CD4: variants seen among roughly 807,000 people sequenced by gnomAD.
CD4 encodes the protein T-cell surface glycoprotein CD4.
In CD4, 25 loss-of-function variants were observed where a neutral mutation model predicts 50.5. The ratio of observed to expected loss-of-function variants is 0.49; its 90% CI spans 0.36 to 0.69. The LOEUF (loss-of-function observed/expected upper bound fraction) is 0.69. Ranked by LOEUF, CD4 falls within the 30% of genes least tolerant of loss-of-function variation. The pLI is 0.00. For missense variants in CD4, 456 were observed against 548.5 expected (o/e 0.83, Z 1.68); for synonymous variants, 207 against 221.9 (o/e 0.93, Z 0.60).
In CD4 at chr12:6,818,480, G is replaced by T. The variant is rs373415505; in HGVS notation, c.1216G>T (p.Ala406Ser). 6.2e-7 allele frequency: 1 copy of T among 1,612,878 alleles called. No individual in the cohort carries two copies. Among genetic ancestry groups the T allele is most frequent in the Admixed American group, 1.7e-5 (1 of 60,034 alleles). The change falls in exon 8 of 10, where the codon GCC (alanine) becomes TCC (serine). Residue 406 changes from alanine (A) to serine (S), a missense_variant. Physicochemically the swap from Ala to Ser is moderately conservative, Grantham distance 99. Coordinates refer to ENST00000011653, the MANE Select transcript of CD4 (RefSeq NM_000616.5). This position sits in a 1 kb window ranked among gnomAD's most constrained non-coding sequence, Gnocchi z 5.0. Reference protein sequence around the residue: ...PMALIVLGGVAGLLLFIGLGI... With the variant: ...PMALIVLGGVSGLLLFIGLGI... Reference sequence around the variant, plus strand: ...GGCCCTGATTGTGCTGGGGGGCGTCGCCGGCCTCCTGCTTTTCATTGGGCT... The same window carrying T: ...GGCCCTGATTGTGCTGGGGGGCGTCTCCGGCCTCCTGCTTTTCATTGGGCT...
Position 6,819,348 on chromosome 12 carries a change from T to C in CD4, c.*19T>C. ...CATTTGAGGCACGAGGCCAGGCAGA[T>C]CCCACTTGCAGCCTCCCCAGGTGTC... On this transcript the variant is annotated 3_prime_UTR_variant, in exon 10 of 10. Transcript: ENST00000011653. The C allele has an allele frequency of 1.2e-6, 2 of 1,613,594 alleles. No individual in the cohort carries two copies. Among genetic ancestry groups the C allele is most frequent in the Non-Finnish European group, 1.7e-6 (2 of 1,179,536 alleles).
intron 1 of CD4, among the ~76,000 whole-genome samples, chr12:6,796,568 C>T (rs1942382045): frequency 6.6e-6 from 1 of 152,176 alleles, no homozygotes; most frequent in Non-Finnish European, 1.5e-5. Context: ...ATCACTGCTC[C>T]AGTCCCATGT....
intron 3 of CD4, among the ~76,000 whole-genome samples, chr12:6,802,093 T>G (rs1192673668): frequency 6.6e-6 from 1 of 151,792 alleles, no homozygotes; most frequent in Admixed American, 6.6e-5. Context: ...AGGCTGGTCT[T>G]GAACTCCTGA....
At position 6,819,473 on chromosome 12, in the gene CD4, G is replaced by A. The variant is rs200665617; in HGVS notation, c.*144G>A. 6.5e-6 allele frequency: 5 copies of A among 764,028 alleles called. No homozygotes were observed. The African/African-American group carries it at 8.6e-5, about 13-fold the overall frequency. 47.3% of individuals were successfully genotyped at this position (764,028 alleles called of 1,614,324 possible). A position where few individuals can be genotyped will look rare whatever the true frequency, so the allele number is the denominator to read the frequency against. ...TACAATTTGCCATTGTTTCTCCTGG[G>A]TTAGGCCCCGGCTTCACTGGTTGAG... On this transcript the variant is annotated 3_prime_UTR_variant, in exon 10 of 10. Coordinates refer to ENST00000011653, the MANE Select transcript of CD4 (RefSeq NM_000616.5).
chr12:6,802,389 C>T (rs943115962), intron 3 of CD4, among the ~76,000 whole-genome samples: 2 of 151,656 alleles, frequency 1.3e-5, no homozygotes, highest in African/African-American at 4.8e-5. Flanking sequence ...GTGGCATGAC[C>T]ACAACACATC....
At chr12:6,791,399 C>G (rs61916272) in intron 1 of CD4, among the ~76,000 whole-genome samples, 58,328 of 151,956 alleles carry the variant, frequency 0.38, 11,715 homozygotes, top group Non-Finnish European at 0.45. Flanking sequence ...CCCAACACCA[C>G]GCCCGGCTAC....
At chr12:6,790,198 CA>C (rs1942115134) in intron 1 of CD4, among the ~76,000 whole-genome samples, 1 of 15,376 alleles carries the variant, frequency 6.5e-5, no homozygotes, top group African/African-American at 3.1e-4. Context: ...AAAATTCTTG[CA>C]AAACCAATTT....
intron 1 of CD4, among the ~76,000 whole-genome samples, chr12:6,791,618 C>T (rs1942163850): frequency 6.6e-6 from 1 of 152,196 alleles, no homozygotes; most frequent in Non-Finnish European, 1.5e-5. Flanking sequence ...TGGTGGCCCA[C>T]ACCAGTAATC....
chr12:6,799,770 C>T (rs2857226), intron 1 of CD4: 121,973 of 199,758 alleles, frequency 0.61, 37,980 homozygotes, highest in Non-Finnish European at 0.64. Flanking sequence ...CATGAGCCAC[C>T]GCACCCAGCC....
At chr12:6,812,765 TTATTTTTGTG>T (rs1807898526) in intron 3 of CD4, among the ~76,000 whole-genome samples, 1 of 88,304 alleles carries the variant, frequency 1.1e-5, no homozygotes, top group African/African-American at 4.5e-5. Flanking sequence ...GCAACCAAGG[TTATTTTTGTG>T]TGTGTGTGTG....
intron 4 of CD4, 115 bp from the exon 5 acceptor site, chr12:6,814,643 TG>T (rs1467148746): frequency 3.5e-6 from 3 of 853,380 alleles, no homozygotes; most frequent in Non-Finnish European, 6.1e-6. Flanking sequence ...AGCTGGGTGC[TG>T]GGAGGAAGGA....
intron 4 of CD4, 105 bp downstream of exon 4, chr12:6,814,405 C>T: frequency 8.3e-7 from 1 of 1,199,662 alleles, no homozygotes; most frequent in Non-Finnish European, 1.2e-6. Flanking sequence ...CCGCAGCAGC[C>T]CCAAGAGGAC....
At position 6,814,806 on chromosome 12, in the gene CD4, C is replaced by G; in HGVS notation, c.421C>G (p.Leu141Val). Reference sequence around the variant, plus strand: ...CCTGCTTCAGGGGCAGAGCCTGACCCTGACCTTGGAGAGCCCCCCTGGTAG... The same window carrying G: ...CCTGCTTCAGGGGCAGAGCCTGACCGTGACCTTGGAGAGCCCCCCTGGTAG... ...THLLQGQSLT[L>V]TLESPPGSSP... is the part of the protein sequence containing the mutation. The change falls in exon 5 of 10, where the codon CTG becomes GTG. Residue 141 changes from leucine (L) to valine (V), a missense_variant. Leu to Val is a conservative substitution (Grantham distance 32). Coordinates refer to ENST00000011653, the MANE Select transcript of CD4 (RefSeq NM_000616.5). The G allele has an allele frequency of 6.2e-7, 1 of 1,613,752 alleles. No homozygotes were observed. Among genetic ancestry groups the G allele is most frequent in the Non-Finnish European group, 8.5e-7 (1 of 1,179,804 alleles).
At position 6,816,036 on chromosome 12, in the gene CD4, C is replaced by A. The variant is rs200954626; in HGVS notation, c.608-20C>A. On this transcript the variant is annotated intron_variant, in intron 5 of 9. Coordinates refer to ENST00000011653, the MANE Select transcript of CD4 (RefSeq NM_000616.5). This position sits in a 1 kb window ranked among gnomAD's most constrained non-coding sequence, Gnocchi z 4.9. ...ATCTTCCTATCTCCTCACCCAGGGTCTCTCCCTTCCCACCTCCAGCTTTCC... is the reference window on the plus strand; with the variant it reads ...ATCTTCCTATCTCCTCACCCAGGGTATCTCCCTTCCCACCTCCAGCTTTCC... 75 of 1,613,870 alleles carry A rather than the reference C, an allele frequency of 4.6e-5. No individual in the cohort carries two copies. The African/African-American group carries it at 9.1e-4, about 20-fold the overall frequency.
intron 4 of CD4, 90 bp from the exon 5 acceptor site, chr12:6,814,669 G>A (rs1482712333): frequency 1.2e-5 from 12 of 984,838 alleles, no homozygotes; most frequent in East Asian, 2.4e-5. Context: ...TTGGGACGGC[G>A]ATAATGGAGA....
Position 6,814,984 on chromosome 12 carries a change from T to C in CD4, c.599T>C (p.Val200Ala). The change falls in exon 5 of 10, where the codon GTG becomes GCG. Residue 200 changes from valine to alanine, a missense_variant. Val to Ala is a moderately conservative substitution (Grantham distance 64). Transcript: ENST00000011653. Reference sequence around the variant, plus strand: ...AAGGTGGAGTTCAAAATAGACATCGTGGTGCTAGGTAAGGGAAGCCCCTCT... The same window carrying C: ...AAGGTGGAGTTCAAAATAGACATCGCGGTGCTAGGTAAGGGAAGCCCCTCT... ...QKKVEFKIDI[V>A]VLAFQKASSI... The C allele has an allele frequency of 1.2e-6, 2 of 1,610,310 alleles. No individual in the cohort carries two copies. Among genetic ancestry groups the C allele is most frequent in the Non-Finnish European group, 1.7e-6 (2 of 1,177,068 alleles).
At chr12:6,803,118 A>T (rs980167384) in intron 3 of CD4, among the ~76,000 whole-genome samples, 1 of 152,046 alleles carries the variant, frequency 6.6e-6, no homozygotes, top group Admixed American at 6.6e-5. Context: ...TATTTTGGAA[A>T]GTCTACTTGA....
chr12:6,802,880 C>T (rs537221316), intron 3 of CD4, among the ~76,000 whole-genome samples: 11 of 151,812 alleles, frequency 7.2e-5, no homozygotes, highest in Non-Finnish European at 1.2e-4. Flanking sequence ...ACTACAGACA[C>T]GTGCCACCAT....
At chr12:6,813,994 T>C in intron 3 of CD4, 148 bp from the exon 4 acceptor site, 1 of 691,450 alleles carries the variant, frequency 1.4e-6, no homozygotes, top group South Asian at 1.8e-5. Flanking sequence ...GAGACCTCCT[T>C]GCCAGACCGG....
Sources: gnomAD v4.1 joint callset for allele counts (sites outside exome capture counted in the v4.1 genomes callset) on GRCh38, gnomAD v4.1.1 for gene constraint, Gnocchi (gnomAD v3.1) non-coding constraint, MANE v1.5 for transcripts, NCBI Gene and HGNC (gene_info 2026-07-23, HGNC 2026-07-21) for gene names.